Variants in TASP1 observed in about 807,000 individuals in gnomAD.
The protein encoded by TASP1 is taspase 1.
A neutral mutation model predicts 56.6 loss-of-function variants in TASP1; 16 were observed. The ratio of observed to expected loss-of-function variants is 0.28; its 90% confidence interval spans 0.19 to 0.43. The LOEUF is 0.43. Ranked by LOEUF, TASP1 falls within the 20% of genes least tolerant of loss-of-function variation. TASP1 has a pLI of 1.00. For missense variants in TASP1, 393 were observed against 511.6 expected, an observed-to-expected ratio of 0.77 and a Z score of 2.24; for synonymous variants, 179 against 184.2, an observed-to-expected ratio of 0.97 and a Z score of 0.23.
At chr20:13,466,600 G>T (rs115559372) in intron 11 of TASP1, among the ~76,000 whole-genome samples, 1,574 of 152,218 alleles carry the variant, frequency 0.01, 28 homozygotes, top group African/African-American at 0.036. Flanking sequence ...CATTAGCCAG[G>T]CGTGGTGGCA....
intron 2 of TASP1, among the ~76,000 whole-genome samples, chr20:13,626,972 G>A (rs2048917362): frequency 7.2e-6 from 1 of 139,372 alleles, no homozygotes; most frequent in African/African-American, 2.6e-5. Flanking sequence ...CAATGGAAAG[G>A]CAGGCTCAGG....
At chr20:13,528,346 C>T in intron 10 of TASP1, 87 bp downstream of exon 10, 2 of 1,132,372 alleles carry the variant, frequency 1.8e-6, no homozygotes, top group Non-Finnish European at 2.5e-6. Context: ...AGCACATGTT[C>T]TATGTTTACC....
intron 4 of TASP1, among the ~76,000 whole-genome samples, chr20:13,599,059 A>G (rs2047855888): frequency 6.6e-6 from 1 of 152,014 alleles, no homozygotes; most frequent in Non-Finnish European, 1.5e-5. Flanking sequence ...GAGAAATAAG[A>G]ACGCTTTTAC....
intron 12 of TASP1, among the ~76,000 whole-genome samples, chr20:13,430,911 A>G (rs2042783174): frequency 6.6e-6 from 1 of 152,204 alleles, no homozygotes; most frequent in Admixed American, 6.5e-5. Context: ...CTGATAACTA[A>G]TGTATTTGTC....
chr20:13,199,948 T>C, the TASP1 span, among the ~76,000 whole-genome samples: 1 of 152,248 alleles, frequency 6.6e-6, no homozygotes, highest in Admixed American at 6.5e-5. Context: ...TATCTAGCAG[T>C]TAACAAACAT....
intron 11 of TASP1, among the ~76,000 whole-genome samples, chr20:13,436,041 T>C (rs1345678912): frequency 1.3e-5 from 2 of 152,116 alleles, no homozygotes; most frequent in African/African-American, 2.4e-5. Context: ...ACTGACCTTT[T>C]GGAAAACGGT....
the TASP1 span, among the ~76,000 whole-genome samples, chr20:13,219,595 C>T: frequency 6.6e-5 from 10 of 151,808 alleles, no homozygotes; most frequent in African/African-American, 2.4e-4. Context: ...CACCGTTCCC[C>T]ACCCAAAAAA....
the TASP1 span, among the ~76,000 whole-genome samples, chr20:13,274,297 G>C: frequency 6.6e-6 from 1 of 152,098 alleles, no homozygotes; most frequent in African/African-American, 2.4e-5. Context: ...ACACAGGGCC[G>C]ATTCAGCCCA....
chr20:13,495,612 G>T (rs1210741473), intron 10 of TASP1, among the ~76,000 whole-genome samples: 1 of 152,076 alleles, frequency 6.6e-6, no homozygotes, highest in Non-Finnish European at 1.5e-5. Context: ...GAAGAAAGGG[G>T]CAAAATACAG....
chr20:13,123,855 A>T, the TASP1 span, among the ~76,000 whole-genome samples: 1 of 144,092 alleles, frequency 6.9e-6, no homozygotes, highest in Non-Finnish European at 1.5e-5. Flanking sequence ...GGACCCACCC[A>T]CCCACTCCTC....
At chr20:13,597,757 T>C in intron 4 of TASP1, among the ~76,000 whole-genome samples, 1 of 152,202 alleles carries the variant, frequency 6.6e-6, no homozygotes, top group East Asian at 1.9e-4. Context: ...TGTTTGCAGA[T>C]GACATGATTG....
At chr20:13,518,935 A>G (rs2044634074) in intron 10 of TASP1, among the ~76,000 whole-genome samples, 1 of 152,148 alleles carries the variant, frequency 6.6e-6, no homozygotes, top group African/African-American at 2.4e-5. Flanking sequence ...CTAGATGCCC[A>G]TCAGTGGTGA....
intron 10 of TASP1, among the ~76,000 whole-genome samples, chr20:13,504,563 T>G: frequency 6.6e-6 from 1 of 152,156 alleles, no homozygotes; most frequent in East Asian, 1.9e-4. Flanking sequence ...TAGTCAAGTT[T>G]AGAATACTTT....
At chr20:13,602,170 C>T (rs1347152178) in intron 4 of TASP1, among the ~76,000 whole-genome samples, 5 of 152,016 alleles carry the variant, frequency 3.3e-5, no homozygotes, top group Non-Finnish European at 7.4e-5. Context: ...TGAGCCACCG[C>T]ACCCGGCCAC....
intron 4 of TASP1, among the ~76,000 whole-genome samples, chr20:13,592,765 TTC>T (rs1364669423): frequency 6.6e-6 from 1 of 152,158 alleles, no homozygotes; most frequent in African/African-American, 2.4e-5. Context: ...TATGACATGC[TTC>T]TCTTTTTCTA....
the TASP1 span, among the ~76,000 whole-genome samples, chr20:13,179,594 G>A: frequency 3.3e-5 from 5 of 152,102 alleles, no homozygotes; most frequent in Non-Finnish European, 5.9e-5. Context: ...GAAGATAATG[G>A]TCAAGACTGC....
At chr20:13,136,619 A>ATATAT in the TASP1 span, among the ~76,000 whole-genome samples, 12 of 94,248 alleles carry the variant, frequency 1.3e-4, 1 homozygote, top group East Asian at 6.2e-3. Flanking sequence ...ATATATATAT[A>ATATAT]ATATACATAT....
At chr20:13,467,417 TA>T (rs151224677) in intron 11 of TASP1, among the ~76,000 whole-genome samples, 11,355 of 126,526 alleles carry the variant, frequency 0.09, 657 homozygotes, top group African/African-American at 0.19. Flanking sequence ...AATGTCTTCC[TA>T]AAAAAAAAAA....
intron 4 of TASP1, among the ~76,000 whole-genome samples, chr20:13,605,839 T>TG (rs2048127886): frequency 6.6e-6 from 1 of 152,206 alleles, no homozygotes. Context: ...GTCACTCCTC[T>TG]GTTCATAAAC....
Sources: allele counts gnomAD v4.1 joint callset (sites outside exome capture counted in the v4.1 genomes callset), GRCh38; gene constraint gnomAD v4.1.1; transcripts MANE v1.5; gene names NCBI Gene and HGNC (gene_info 2026-07-23, HGNC 2026-07-21).